The following POU3F3 variants were observed in gnomAD, a reference collection of about 807,000 sequenced individuals.
POU3F3 encodes the protein POU domain, class 3, transcription factor 3.
Under a neutral mutation model 8.6 loss-of-function variants are expected in POU3F3, and 1 was observed. That is an observed-to-expected ratio of 0.12 (90% confidence interval 0.04 to 0.55). POU3F3 has a LOEUF of 0.55. POU3F3 is among the 20% of genes least tolerant of loss of function. The pLI, the probability that POU3F3 is intolerant of heterozygous loss-of-function variation, is 0.91. For synonymous variants in POU3F3, 418 were observed against 327.4 expected (o/e 1.28, Z -2.99); for missense variants, 577 against 690.7 (o/e 0.84, Z 1.84).
Position 104,856,074 on chromosome 2 carries a change from G to T in POU3F3, c.564G>T (p.Gly188=), listed in dbSNP as rs1676559312. 3.0e-6 allele frequency: 3 copies of T among 1,008,222 alleles called. No individual in the cohort carries two copies. The highest frequency in any genetic ancestry group is 3.5e-6 in the Non-Finnish European group (3 of 852,006). 62.5% of individuals were successfully genotyped at this position (1,008,222 alleles called of 1,614,324 possible). A position where few individuals can be genotyped will look rare whatever the true frequency, so the allele number is the denominator to read the frequency against. Reference sequence around the variant, plus strand: ...ACCAGGGCCACCCTGGGGGCTGGGGGGCGGCCGCCGCTGCCGCAGCCGCAG... The same window carrying T: ...ACCAGGGCCACCCTGGGGGCTGGGGTGCGGCCGCCGCTGCCGCAGCCGCAG... ...PPHQGHPGGW[G]AAAAAAAAAA... The change falls in exon 1 of 1, where the codon GGG becomes GGT. Residue 188 remains glycine, a synonymous_variant. Transcript: ENST00000361360.
At position 104,855,936 on chromosome 2, in the gene POU3F3, A is replaced by ACCG. The variant is rs1294975199; in HGVS notation, c.431_433dup (p.Pro144dup). 9 of 1,052,338 alleles carry ACCG rather than the reference A, an allele frequency of 8.6e-6. No individual in the cohort carries two copies. The East Asian group carries it at 8.5e-4, about 99-fold the overall frequency. 65.2% of individuals were successfully genotyped at this position (1,052,338 alleles called of 1,614,324 possible). A position where few individuals can be genotyped will look rare whatever the true frequency, so the allele number is the denominator to read the frequency against. ...AGCAGCCACCGCAGCCGCCGCCGCCACCGCCGCAGGGCCCCGACGTGAAGG... is the reference window on the plus strand; with the variant it reads ...AGCAGCCACCGCAGCCGCCGCCGCCACCGCCGCCGCAGGGCCCCGACGTGAAGG... On this transcript the variant is annotated inframe_insertion, in exon 1 of 1. Coordinates refer to ENST00000361360, the MANE Select transcript of POU3F3 (RefSeq NM_006236.3).
chr2:104,872,486 G>T, the POU3F3 span: 2 of 391,466 alleles, frequency 5.1e-6, no homozygotes, highest in Non-Finnish European at 1.0e-5. This position sits in a 1 kb window ranked among gnomAD's most constrained non-coding sequence, Gnocchi z 4.6. Context: ...TTCGCCCCGA[G>T]CCTCCCTCCC....
At chr2:104,910,312 C>T in the POU3F3 span, among the ~76,000 whole-genome samples, 1 of 152,270 alleles carries the variant, frequency 6.6e-6, no homozygotes, top group East Asian at 1.9e-4. Flanking sequence ...TTACAGCTCT[C>T]TTTGGCTCCC....
the POU3F3 span, among the ~76,000 whole-genome samples, chr2:104,913,612 C>G: frequency 6.6e-6 from 1 of 152,176 alleles, no homozygotes; most frequent in Admixed American, 6.5e-5. Flanking sequence ...TAACACCCAT[C>G]AGAGCACTCA....
At position 104,857,049 on chromosome 2, in the gene POU3F3, G is replaced by C. The variant is rs753397035; in HGVS notation, c.*36G>C. The stretch of plus-strand genomic sequence containing the variant: ...CAGAGCGAAGAGGGCCGCCGCCGCC[G>C]CCGCCTCCGCAGCCGCCGTCAGCAC... On this transcript the variant is annotated 3_prime_UTR_variant, in exon 1 of 1. Transcript: ENST00000361360. 2.1e-6 allele frequency: 3 copies of C among 1,395,510 alleles called. No homozygotes were observed. The highest frequency in any genetic ancestry group is 1.9e-6 in the Non-Finnish European group (2 of 1,067,686). The allele number at this position is 1,395,510 out of a possible 1,614,324, so 86.4% of individuals were successfully genotyped here.
At chr2:104,883,630 G>A in the POU3F3 span, among the ~76,000 whole-genome samples, 3 of 152,198 alleles carry the variant, frequency 2.0e-5, no homozygotes, top group African/African-American at 4.8e-5. Flanking sequence ...TCTAACAAGT[G>A]CAATTCCCGA....
chr2:104,861,803 G>A (rs896599866), downstream of POU3F3, among the ~76,000 whole-genome samples: 2 of 152,190 alleles, frequency 1.3e-5, no homozygotes, highest in African/African-American at 2.4e-5. Flanking sequence ...TCCAAGTTCT[G>A]TAGGTCGGTT....
the POU3F3 span, among the ~76,000 whole-genome samples, chr2:104,911,634 C>G: frequency 6.6e-6 from 1 of 151,868 alleles, no homozygotes; most frequent in Non-Finnish European, 1.5e-5. Flanking sequence ...CTACATACCC[C>G]CTGACACAGA....
At chr2:104,917,807 G>A in the POU3F3 span, among the ~76,000 whole-genome samples, 1 of 152,088 alleles carries the variant, frequency 6.6e-6, no homozygotes, top group Non-Finnish European at 1.5e-5. Context: ...TCCCTTGCTG[G>A]GGGGTTGCCC....
At chr2:104,887,437 T>TA in the POU3F3 span, among the ~76,000 whole-genome samples, 4 of 152,198 alleles carry the variant, frequency 2.6e-5, no homozygotes, top group Admixed American at 2.6e-4. Context: ...ATCAAGACAT[T>TA]ACTTCAGTTG....
the POU3F3 span, among the ~76,000 whole-genome samples, chr2:104,874,063 G>C: frequency 2.6e-5 from 4 of 152,364 alleles, no homozygotes; most frequent in Non-Finnish European, 4.4e-5. Flanking sequence ...TCTGCAGCCA[G>C]AGGGGCTTTT....
chr2:104,856,342 G>A lies in POU3F3; in HGVS notation c.832G>A (p.Ala278Thr). 2 of 1,510,444 alleles carry A rather than the reference G, an allele frequency of 1.3e-6. No individual in the cohort carries two copies. Among genetic ancestry groups the A allele is most frequent in the Non-Finnish European group, 8.8e-7 (1 of 1,135,198 alleles). 93.6% of individuals were successfully genotyped at this position (1,510,444 alleles called of 1,614,324 possible). A position where few individuals can be genotyped will look rare whatever the true frequency, so the allele number is the denominator to read the frequency against. ...GCACCACCACCACCACCACCACCAC[G>A]CGCATCCTCACCCGCCGCACCCGCA... Reference protein sequence around the residue: ...AEHHHHHHHHAHPHPPHPHHA... With the variant: ...AEHHHHHHHHTHPHPPHPHHA... The change falls in exon 1 of 1, where the codon GCG becomes ACG. Residue 278 changes from alanine (A) to threonine (T), a missense_variant. Around this residue, in one of 7 missense-constraint regions of POU3F3, gnomAD observed 484 missense variants for 422.6 expected, o/e 1.15. Coordinates refer to ENST00000361360, the MANE Select transcript of POU3F3 (RefSeq NM_006236.3).
chr2:104,868,983 C>G, the POU3F3 span, among the ~76,000 whole-genome samples: 1 of 152,092 alleles, frequency 6.6e-6, no homozygotes, highest in Non-Finnish European at 1.5e-5. Flanking sequence ...TTACATAAAC[C>G]CTCCAAAAAT....
the POU3F3 span, among the ~76,000 whole-genome samples, chr2:104,915,690 C>T: frequency 4.0e-5 from 6 of 151,822 alleles, no homozygotes; most frequent in South Asian, 1.3e-3. Flanking sequence ...CTCAAGCCAA[C>T]CACTGATCTT....
the POU3F3 span, among the ~76,000 whole-genome samples, chr2:104,901,746 GA>G: frequency 6.6e-6 from 1 of 152,238 alleles, no homozygotes; most frequent in Non-Finnish European, 1.5e-5. Flanking sequence ...CAGGCAGAGG[GA>G]GTTAGCAGTG....
chr2:104,894,746 G>A, the POU3F3 span, among the ~76,000 whole-genome samples: 1 of 152,160 alleles, frequency 6.6e-6, no homozygotes, highest in East Asian at 1.9e-4. Context: ...AATCTGCATG[G>A]AGATCATTAT....
upstream of POU3F3, among the ~76,000 whole-genome samples, chr2:104,853,999 C>A (rs1676495750): frequency 6.6e-6 from 1 of 152,192 alleles, no homozygotes; most frequent in South Asian, 2.1e-4. Flanking sequence ...CTGAGCCAGT[C>A]ATTCCGAGCC....
chr2:104,901,160 A>G, the POU3F3 span, among the ~76,000 whole-genome samples: 1 of 152,194 alleles, frequency 6.6e-6, no homozygotes, highest in Non-Finnish European at 1.5e-5. Context: ...CTAATTTCCT[A>G]GGTATTCAAT....
chr2:104,912,535 CTT>C, the POU3F3 span, among the ~76,000 whole-genome samples: 23 of 152,324 alleles, frequency 1.5e-4, no homozygotes, highest in African/African-American at 5.5e-4. Context: ...ACTATTTTCT[CTT>C]TCACACTTCC....
Sources: gnomAD v4.1 joint callset for allele counts (sites outside exome capture counted in the v4.1 genomes callset) on GRCh38, gnomAD v4.1.1 for gene constraint, gnomAD v4.1.1 regional missense constraint, Gnocchi (gnomAD v3.1) non-coding constraint, MANE v1.5 for transcripts, NCBI Gene and HGNC (gene_info 2026-07-23, HGNC 2026-07-21) for gene names.